Variants in PCDH7 observed in about 807,000 individuals in gnomAD.
PCDH7 encodes the protein protocadherin-7.
A neutral mutation model predicts 58.9 loss-of-function variants in PCDH7; 17 were observed. The ratio of observed to expected loss-of-function variants is 0.29; its 90% confidence interval spans 0.20 to 0.43. The LOEUF (loss-of-function observed/expected upper bound fraction) is 0.43. Among genes scored for constraint, PCDH7 ranks in the 20% least tolerant of loss-of-function variants. The pLI is 1.00. For synonymous variants in PCDH7, 664 were observed against 616.4 expected, an observed-to-expected ratio of 1.08 and a Z score of -1.14; for missense variants, 1,274 against 1,441.0, an observed-to-expected ratio of 0.88 and a Z score of 1.88.
At chr4:30,984,560 T>C (rs1458415311) in intron 3 of PCDH7, among the ~76,000 whole-genome samples, 1 of 152,210 alleles carries the variant, frequency 6.6e-6, no homozygotes, top group African/African-American at 2.4e-5. Context: ...CTGTGATCGT[T>C]ACTGTAAGAT....
At chr4:30,824,400 C>G (rs1728845212) in intron 1 of PCDH7, among the ~76,000 whole-genome samples, 1 of 151,914 alleles carries the variant, frequency 6.6e-6, no homozygotes, top group African/African-American at 2.4e-5. Context: ...ACAGGCAACT[C>G]AAAGACATTA....
At chr4:30,774,466 G>A (rs1458355533) in intron 1 of PCDH7, among the ~76,000 whole-genome samples, 1 of 152,164 alleles carries the variant, frequency 6.6e-6, no homozygotes, top group Non-Finnish European at 1.5e-5. Flanking sequence ...AATTCTTGAA[G>A]TCTGTCATTT....
intron 3 of PCDH7, among the ~76,000 whole-genome samples, chr4:30,993,195 G>T (rs753994098): frequency 6.6e-6 from 1 of 152,182 alleles, no homozygotes; most frequent in African/African-American, 2.4e-5. Flanking sequence ...TGTGTGTAAA[G>T]TTGGGGGAGC....
intron 3 of PCDH7, among the ~76,000 whole-genome samples, chr4:31,141,443 C>T (rs1720242224): frequency 6.6e-6 from 1 of 152,198 alleles, no homozygotes; most frequent in South Asian, 2.1e-4. Context: ...GCCTCAGAAT[C>T]TGTTGAAGTA....
chr4:30,920,217 A>AAT lies in PCDH7; in HGVS notation c.135_136insAT (p.Ser47Ter). 1 of 1,367,824 alleles carries AAT rather than the reference A, an allele frequency of 7.3e-7. No homozygotes were observed. Among genetic ancestry groups the AAT allele is most frequent in the Non-Finnish European group, 9.8e-7 (1 of 1,021,996 alleles). The allele number at this position is 1,367,824 out of a possible 1,614,324, so 84.7% of individuals were successfully genotyped here. ...CAGGACCCACATCAGGGGTCACTGC[A>AAT]GAGTTGCTATGACAGCGGGCTGGAG... On this transcript the variant is annotated frameshift_variant, in exon 2 of 4. Coordinates refer to the PCDH7 transcript ENST00000509759. LOFTEE classifies it high-confidence loss of function.
chr4:31,102,903 A>T (rs954742736), intron 3 of PCDH7, among the ~76,000 whole-genome samples: 1 of 152,202 alleles, frequency 6.6e-6, no homozygotes, highest in African/African-American at 2.4e-5. Context: ...TCAGTAATAC[A>T]TAACTTTTGT....
intron 3 of PCDH7, among the ~76,000 whole-genome samples, chr4:30,953,628 G>C (rs1294422734): frequency 6.6e-6 from 1 of 151,792 alleles, no homozygotes; most frequent in African/African-American, 2.4e-5. Context: ...TTTGTTAAAG[G>C]TGTGGTTTGT....
chr4:31,033,639 G>C (rs36069924), intron 3 of PCDH7, among the ~76,000 whole-genome samples: 42,145 of 151,952 alleles, frequency 0.28, 6,326 homozygotes, highest in East Asian at 0.49. Flanking sequence ...TACTTGCATA[G>C]ACAGTTTAAT....
chr4:30,970,500 A>C (rs1010219605), intron 3 of PCDH7, among the ~76,000 whole-genome samples: 3 of 151,868 alleles, frequency 2.0e-5, no homozygotes, highest in African/African-American at 7.3e-5. Context: ...TCACCATGTT[A>C]AACAGGGTGG....
At chr4:30,744,178 G>A (rs1717459225) in intron 1 of PCDH7, among the ~76,000 whole-genome samples, 1 of 152,062 alleles carries the variant, frequency 6.6e-6, no homozygotes, top group South Asian at 2.1e-4. Flanking sequence ...CTACCAAGCA[G>A]CCAAGTGGTA....
chr4:31,027,572 A>G (rs1466004132), intron 3 of PCDH7, among the ~76,000 whole-genome samples: 1 of 151,922 alleles, frequency 6.6e-6, no homozygotes, highest in Non-Finnish European at 1.5e-5. Context: ...ATAGCCATGC[A>G]CCACCACGCC....
At chr4:30,727,297 A>G (rs551311291) in intron 1 of PCDH7, among the ~76,000 whole-genome samples, 2 of 152,058 alleles carry the variant, frequency 1.3e-5, no homozygotes, top group African/African-American at 4.8e-5. Flanking sequence ...TGTTGAACCT[A>G]AGTCCTGTTG....
chr4:31,109,573 T>C (rs1261294515), intron 3 of PCDH7, among the ~76,000 whole-genome samples: 4 of 152,162 alleles, frequency 2.6e-5, no homozygotes, highest in African/African-American at 9.7e-5. Flanking sequence ...TACCTCTAGG[T>C]TTGAATGTGT....
chr4:30,868,004 G>A (rs747086996), intron 1 of PCDH7, among the ~76,000 whole-genome samples: 35 of 151,964 alleles, frequency 2.3e-4, no homozygotes, highest in Non-Finnish European at 4.4e-4. Flanking sequence ...CAAATTTGAA[G>A]CCACATTAGT....
chr4:30,751,684 T>C (rs1355403957), intron 1 of PCDH7, among the ~76,000 whole-genome samples: 1 of 152,136 alleles, frequency 6.6e-6, no homozygotes, highest in Admixed American at 6.6e-5. Flanking sequence ...CAGAGCTAGG[T>C]ACTGTGCTTT....
intron 3 of PCDH7, among the ~76,000 whole-genome samples, chr4:31,061,263 C>A (rs898690290): frequency 6.6e-6 from 1 of 151,732 alleles, no homozygotes; most frequent in Admixed American, 6.6e-5. Context: ...TTTAAAATCT[C>A]TTTTAGCAGA....
intron 3 of PCDH7, among the ~76,000 whole-genome samples, chr4:30,974,917 T>C (rs931736211): frequency 4.6e-5 from 7 of 152,196 alleles, no homozygotes; most frequent in African/African-American, 1.7e-4. Flanking sequence ...ATTTCTCTAA[T>C]AGACTTTCTC....
intron 1 of PCDH7, among the ~76,000 whole-genome samples, chr4:30,741,254 GT>G (rs774299106): frequency 6.7e-4 from 97 of 145,780 alleles, no homozygotes; most frequent in Non-Finnish European, 1.0e-3. Flanking sequence ...ACAGTAGATG[GT>G]TTTTTTTTTA....
intron 1 of PCDH7, among the ~76,000 whole-genome samples, chr4:30,845,682 C>T (rs1731847727): frequency 6.6e-6 from 1 of 152,130 alleles, no homozygotes; most frequent in African/African-American, 2.4e-5. Context: ...TCACTACAAA[C>T]TCAAACTCCT....
Sources: gnomAD v4.1 joint callset for allele counts (sites outside exome capture counted in the v4.1 genomes callset) on GRCh38, gnomAD v4.1.1 for gene constraint, MANE v1.5 for transcripts, NCBI Gene and HGNC (gene_info 2026-07-23, HGNC 2026-07-21) for gene names.